Variants in NRXN3 observed in about 807,000 individuals in gnomAD.
The protein encoded by NRXN3 is neurexin 3.
NRXN3 carries 32 observed loss-of-function variants against 137.6 expected under a neutral mutation model. The ratio of observed to expected loss-of-function variants is 0.23; its 90% confidence interval spans 0.18 to 0.31. NRXN3 has a LOEUF of 0.31. Among genes scored for constraint, NRXN3 ranks in the 10% least tolerant of loss-of-function variants. The pLI is 1.00. For synonymous variants in NRXN3, 798 were observed against 784.5 expected (o/e 1.02, Z -0.29); for missense variants, 1,574 against 2,062.5 (o/e 0.76, Z 4.59).
chr14:79,407,466 A>G (rs982072245), intron 15 of NRXN3, among the ~76,000 whole-genome samples: 2 of 152,290 alleles, frequency 1.3e-5, no homozygotes, highest in African/African-American at 4.8e-5. Flanking sequence ...ATTAAAAAGA[A>G]TAATAACAAA....
At chr14:79,104,796 G>T (rs762800724) in intron 15 of NRXN3, among the ~76,000 whole-genome samples, 1 of 148,178 alleles carries the variant, frequency 6.7e-6, no homozygotes, top group Non-Finnish European at 1.5e-5. Context: ...TTTTTCTGGG[G>T]TTTGTAAAAT....
chr14:79,020,467 G>T (rs1307824827), intron 15 of NRXN3, among the ~76,000 whole-genome samples: 13 of 145,372 alleles, frequency 8.9e-5, no homozygotes, highest in Non-Finnish European at 1.8e-4. Flanking sequence ...GTTTCTCCTT[G>T]TTGGTCAGGC....
At chr14:79,783,070 G>C (rs989071292) in intron 19 of NRXN3, among the ~76,000 whole-genome samples, 1 of 152,186 alleles carries the variant, frequency 6.6e-6, no homozygotes, top group African/African-American at 2.4e-5. Flanking sequence ...CATTACCACT[G>C]CCTATCTTTC....
intron 1 of NRXN3, among the ~76,000 whole-genome samples, chr14:78,211,681 C>T (rs2062756039): frequency 6.6e-6 from 1 of 152,256 alleles, no homozygotes; most frequent in Non-Finnish European, 1.5e-5. Flanking sequence ...CAGAGTGCCA[C>T]TATTCTAACG....
At chr14:78,664,603 C>A (rs1442497399) in intron 6 of NRXN3, among the ~76,000 whole-genome samples, 2 of 152,184 alleles carry the variant, frequency 1.3e-5, no homozygotes, top group African/African-American at 4.8e-5. Flanking sequence ...CTCTAGGATC[C>A]TTAGCACTTT....
chr14:78,491,033 G>A (rs925607008), intron 4 of NRXN3, among the ~76,000 whole-genome samples: 1 of 152,128 alleles, frequency 6.6e-6, no homozygotes, highest in African/African-American at 2.4e-5. Flanking sequence ...CACTCTCCAA[G>A]GGTGTTTCGA....
At chr14:78,982,997 A>G (rs2099493273) in intron 14 of NRXN3, among the ~76,000 whole-genome samples, 1 of 152,206 alleles carries the variant, frequency 6.6e-6, no homozygotes, top group South Asian at 2.1e-4. Flanking sequence ...CACTTCTTAA[A>G]AGAAGATATG....
chr14:78,968,566 T>G (rs1187957482), intron 14 of NRXN3, among the ~76,000 whole-genome samples: 1 of 152,184 alleles, frequency 6.6e-6, no homozygotes, highest in Non-Finnish European at 1.5e-5. Flanking sequence ...GTTTTCTGAG[T>G]ATCACATACT....
chr14:78,634,862 T>C (rs1167670450), intron 4 of NRXN3, among the ~76,000 whole-genome samples: 1 of 152,126 alleles, frequency 6.6e-6, no homozygotes, highest in Non-Finnish European at 1.5e-5. Context: ...ATATATAAAT[T>C]AGTGGGGGTC....
intron 19 of NRXN3, among the ~76,000 whole-genome samples, chr14:79,798,805 C>A (rs2099168424): frequency 6.6e-6 from 1 of 152,180 alleles, no homozygotes; most frequent in South Asian, 2.1e-4. Flanking sequence ...CAGCTCACAG[C>A]AGTAGACACT....
intron 4 of NRXN3, among the ~76,000 whole-genome samples, chr14:78,340,190 C>T (rs1882819): frequency 0.4 from 60,819 of 152,010 alleles, 12,360 homozygotes; most frequent in Middle Eastern, 0.53. Context: ...CAGCCACCAA[C>T]TTGGCAGGCA....
rs572002352 is a variant in NRXN3 at position 78,552,667 on chromosome 14, C to CAATAAATA, written c.758-92439_758-92432dup. On this transcript the variant is annotated intron_variant, in intron 4 of 20. Transcript: ENST00000335750. ...GGCAACAGGGAAAAATCTCTGTCTC[C>CAATAAATA]AATAAATAAATAAATAAATAAGTAG... Among the ~76,000 whole-genome samples, 492 of 151,822 alleles carry CAATAAATA rather than the reference C, an allele frequency of 3.2e-3. 4 individuals are homozygous for CAATAAATA. The highest frequency in any genetic ancestry group is 0.011 in the African/African-American group (467 of 41,366).
chr14:79,731,952 A>G (rs565364345), intron 19 of NRXN3, among the ~76,000 whole-genome samples: 128 of 151,714 alleles, frequency 8.4e-4, no homozygotes, highest in African/African-American at 3.0e-3. Flanking sequence ...TTTTTCCCCA[A>G]TATTTTGGCA....
rs553789518 is a variant in NRXN3 at position 79,108,247 on chromosome 14, C to T, written c.3262+120106C>T. Among the ~76,000 whole-genome samples the T allele has an allele frequency of 3.3e-5, 5 of 152,206 alleles. No individual in the cohort carries two copies. In the East Asian group the frequency reaches 5.8e-4, roughly 18 times the overall value. ...TTTTAGAAAATCCTAATCATTTTTC[C>T]TGAAGTACTTTGTGTGAATACTCAT... is the stretch of plus-strand genomic sequence containing the variant. On this transcript the variant is annotated intron_variant, in intron 15 of 20. Transcript: ENST00000335750.
At chr14:79,808,115 G>T (rs1386313454) in intron 20 of NRXN3, among the ~76,000 whole-genome samples, 1 of 151,882 alleles carries the variant, frequency 6.6e-6, no homozygotes, top group African/African-American at 2.4e-5. Context: ...GCAGGCGCCT[G>T]TAGTCCCAGC....
Position 78,243,898 on chromosome 14 carries a change from T to C in NRXN3, c.709+96T>C, listed in dbSNP as rs1201890586. On this transcript the variant is annotated intron_variant, in intron 2 of 20. Transcript: ENST00000335750. The surrounding 1 kb of genome is among the most constrained non-coding windows in gnomAD (Gnocchi z 4.2). ...CCAGTTCTATATGGATGCATATCTTTAGCTGCATGTTAGATCACTGGGCCC... is the reference window on the plus strand; with the variant it reads ...CCAGTTCTATATGGATGCATATCTTCAGCTGCATGTTAGATCACTGGGCCC... The C allele has an allele frequency of 7.9e-6, 7 of 888,314 alleles. No individual in the cohort carries two copies. Among genetic ancestry groups the C allele is most frequent in the South Asian group, 1.7e-5 (1 of 60,132 alleles). The allele number at this position is 888,314 out of a possible 1,614,324, so 55.0% of individuals were successfully genotyped here. A position where few individuals can be genotyped will look rare whatever the true frequency, so the allele number is the denominator to read the frequency against.
At chr14:79,786,864 G>A (rs149670161) in intron 19 of NRXN3, among the ~76,000 whole-genome samples, 1 of 152,200 alleles carries the variant, frequency 6.6e-6, no homozygotes. Flanking sequence ...CATTTATTCA[G>A]AGTGATTACA....
At chr14:78,658,363 T>C (rs1192854173) in intron 6 of NRXN3, among the ~76,000 whole-genome samples, 1 of 152,216 alleles carries the variant, frequency 6.6e-6, no homozygotes. Flanking sequence ...TGTATTTTTA[T>C]GTAGGGAGCA....
At chr14:78,738,781 G>A (rs1478430329) in intron 8 of NRXN3, among the ~76,000 whole-genome samples, 1 of 151,992 alleles carries the variant, frequency 6.6e-6, no homozygotes, top group Non-Finnish European at 1.5e-5. Flanking sequence ...GGGGTGGGGG[G>A]GTGCTTTAAA....
Sources: gnomAD v4.1 joint callset for allele counts (sites outside exome capture counted in the v4.1 genomes callset) on GRCh38, gnomAD v4.1.1 for gene constraint, Gnocchi (gnomAD v3.1) non-coding constraint, MANE v1.5 for transcripts, NCBI Gene and HGNC (gene_info 2026-07-23, HGNC 2026-07-21) for gene names.